Variants in ERC1 observed in about 807,000 individuals in gnomAD.
ERC1 encodes the protein ELKS/RAB6-interacting/CAST family member 1.
In ERC1, 56 loss-of-function variants were observed where a neutral mutation model predicts 132.0. The observed-to-expected ratio is 0.42, with a 90% CI of 0.34 to 0.53. The LOEUF (loss-of-function observed/expected upper bound fraction) is 0.53, where lower values mean the gene tolerates loss of function less well. Among genes scored for constraint, ERC1 ranks in the 20% least tolerant of loss-of-function variants. The pLI is 0.03. For missense variants in ERC1, 1,202 were observed against 1,349.9 expected (o/e 0.89, Z 1.72); for synonymous variants, 478 against 476.1 (o/e 1.00, Z -0.05).
chr12:1,483,934 T>C (rs1399889707), intron 18 of ERC1, among the ~76,000 whole-genome samples: 2 of 151,564 alleles, frequency 1.3e-5, no homozygotes, highest in East Asian at 2.0e-4. Flanking sequence ...CCTCACGTGA[T>C]CCACCTGCCT....
intron 13 of ERC1, among the ~76,000 whole-genome samples, chr12:1,256,445 CCAAA>C (rs2076827217): frequency 7.1e-6 from 1 of 139,982 alleles, no homozygotes; most frequent in Non-Finnish European, 1.5e-5. Flanking sequence ...AGTTGATTCC[CCAAA>C]CAGTCAAATG....
intron 15 of ERC1, among the ~76,000 whole-genome samples, chr12:1,365,174 T>C (rs2086540147): frequency 6.6e-6 from 1 of 152,162 alleles, no homozygotes; most frequent in South Asian, 2.1e-4. Flanking sequence ...GAATTGAACC[T>C]AGTGAACCTA....
At chr12:1,070,071 T>C (rs1461223534) in intron 2 of ERC1, among the ~76,000 whole-genome samples, 2 of 152,226 alleles carry the variant, frequency 1.3e-5, no homozygotes, top group South Asian at 2.1e-4. Context: ...GAGAGAGAGC[T>C]CTGAAGCAAA....
chr12:1,310,246 G>C (rs1239751520), intron 15 of ERC1, among the ~76,000 whole-genome samples: 1 of 83,052 alleles, frequency 1.2e-5, no homozygotes, highest in Non-Finnish European at 2.7e-5. Flanking sequence ...TTTATTTTGA[G>C]GAACAGTTTT....
At chr12:1,409,365 A>T (rs114147087) in intron 17 of ERC1, among the ~76,000 whole-genome samples, 140 of 152,316 alleles carry the variant, frequency 9.2e-4, no homozygotes, top group African/African-American at 3.1e-3. Context: ...GGTATATAAG[A>T]TGCATGTTTG....
rs1002495396 is a variant in ERC1, at chr12:1,361,944, C to T, written c.2781-9889C>T. ...ATTCATTGGAAAAGCACCTGGATTCCAATGCTTCTTAAAGTCATTCTGTTT... is the reference window on the plus strand; with the variant it reads ...ATTCATTGGAAAAGCACCTGGATTCTAATGCTTCTTAAAGTCATTCTGTTT... On this transcript the variant is annotated intron_variant, in intron 15 of 18. Coordinates refer to ENST00000360905, the MANE Select transcript of ERC1 (RefSeq NM_178040.4). 4.1e-4 allele frequency among the ~76,000 whole-genome samples: 62 copies of T among 152,220 alleles called. 1 individual carries two copies. Among genetic ancestry groups the T allele is most frequent in the Admixed American group, 9.8e-4 (15 of 15,290 alleles).
chr12:1,449,738 C>G (rs1440565455), intron 18 of ERC1, among the ~76,000 whole-genome samples: 1 of 152,064 alleles, frequency 6.6e-6, no homozygotes, highest in Non-Finnish European at 1.5e-5. Context: ...CAGTAATTGT[C>G]TTCTGATTGA....
intron 18 of ERC1, among the ~76,000 whole-genome samples, chr12:1,467,607 G>A (rs1455450306): frequency 2.0e-5 from 3 of 152,204 alleles, no homozygotes; most frequent in Non-Finnish European, 4.4e-5. Context: ...ACAGACAGGG[G>A]AGTGGCAGGG....
At chr12:1,459,589 A>G (rs1487530910) in intron 18 of ERC1, among the ~76,000 whole-genome samples, 1 of 152,236 alleles carries the variant, frequency 6.6e-6, no homozygotes, top group African/African-American at 2.4e-5. Context: ...ATTTGGCACC[A>G]TTATAGTAGT....
chr12:1,236,945 A>G (rs773275513), intron 13 of ERC1, 41 bp downstream of exon 13: 1 of 1,606,616 alleles, frequency 6.2e-7, no homozygotes, highest in Non-Finnish European at 8.5e-7. Context: ...GGGTGAAGAC[A>G]TTTGATCCGT....
intron 18 of ERC1, among the ~76,000 whole-genome samples, chr12:1,462,361 A>G (rs2093660571): frequency 6.6e-6 from 1 of 152,246 alleles, no homozygotes; most frequent in Non-Finnish European, 1.5e-5. Context: ...ATATGTCCAC[A>G]AAAAGACTTG....
At chr12:1,185,731 G>GTT (rs72127045) in intron 11 of ERC1, among the ~76,000 whole-genome samples, 45 of 127,774 alleles carry the variant, frequency 3.5e-4, no homozygotes, top group South Asian at 1.2e-3. Flanking sequence ...ACTCTAGGTT[G>GTT]TTTTTTTTTT....
intron 18 of ERC1, among the ~76,000 whole-genome samples, chr12:1,478,476 A>G (rs529696377): frequency 4.6e-5 from 7 of 152,098 alleles, no homozygotes; most frequent in African/African-American, 1.7e-4. Context: ...CTGCCCTTTC[A>G]CTCTCTTAAT....
At chr12:1,461,967 G>A (rs1381794546) in intron 18 of ERC1, among the ~76,000 whole-genome samples, 1 of 152,016 alleles carries the variant, frequency 6.6e-6, no homozygotes, top group Non-Finnish European at 1.5e-5. Context: ...CAAAGTACTT[G>A]TATTGAGAAG....
At chr12:1,156,381 C>T (rs914335670) in intron 8 of ERC1, among the ~76,000 whole-genome samples, 3 of 152,086 alleles carry the variant, frequency 2.0e-5, no homozygotes, top group Admixed American at 6.5e-5. Flanking sequence ...GCTGGGATTA[C>T]AGGCGCGCAC....
intron 16 of ERC1, among the ~76,000 whole-genome samples, chr12:1,388,281 C>T (rs1270080465): frequency 3.6e-5 from 5 of 139,856 alleles, no homozygotes; most frequent in African/African-American, 5.4e-5. Context: ...ACCCGGGAGG[C>T]GGAGCTTGCA....
intron 15 of ERC1, among the ~76,000 whole-genome samples, chr12:1,299,315 T>C (rs1159679779): frequency 2.0e-5 from 3 of 152,208 alleles, no homozygotes; most frequent in African/African-American, 7.2e-5. Context: ...GACTGAGATA[T>C]GCTAAAGTTG....
intron 15 of ERC1, among the ~76,000 whole-genome samples, chr12:1,354,343 G>T (rs915373564): frequency 6.6e-5 from 10 of 152,036 alleles, no homozygotes; most frequent in Admixed American, 5.9e-4. Flanking sequence ...AGCCGACACG[G>T]TGAAACCCCT....
intron 16 of ERC1, among the ~76,000 whole-genome samples, chr12:1,403,339 G>T (rs1388696020): frequency 6.6e-6 from 1 of 152,132 alleles, no homozygotes; most frequent in African/African-American, 2.4e-5. Context: ...TATCTTTCAT[G>T]TCAGTAAAAC....
Sources: gnomAD v4.1 joint callset for allele counts (sites outside exome capture counted in the v4.1 genomes callset) on GRCh38, gnomAD v4.1.1 for gene constraint, MANE v1.5 for transcripts, NCBI Gene and HGNC (gene_info 2026-07-23, HGNC 2026-07-21) for gene names.